Variants in CEP57L1 observed in about 807,000 individuals in gnomAD.
CEP57L1 encodes the protein centrosomal protein CEP57L1.
In CEP57L1, 37 loss-of-function variants were observed where a neutral mutation model predicts 61.0. The ratio of observed to expected loss-of-function variants is 0.61; its 90% confidence interval spans 0.47 to 0.80. The LOEUF (loss-of-function observed/expected upper bound fraction) is 0.80. Ranked by LOEUF, CEP57L1 falls within the 30% of genes least tolerant of loss-of-function variation. The pLI, the probability that CEP57L1 is intolerant of heterozygous loss-of-function variation, is 0.00. For synonymous variants in CEP57L1, 137 were observed against 162.3 expected (o/e 0.84, Z 1.19); for missense variants, 422 against 524.7 (o/e 0.80, Z 1.91).
intron 1 of CEP57L1, among the ~76,000 whole-genome samples, chr6:109,106,625 C>A (rs1455779591): frequency 6.6e-6 from 1 of 152,016 alleles, no homozygotes; most frequent in Non-Finnish European, 1.5e-5. Flanking sequence ...AGGACTTTGG[C>A]TTTTTTAAAA....
In CEP57L1 at chr6:109,172,411, T is replaced by TAGCTTAGA. The variant is rs2114997382; in HGVS notation, c.*9442_*9449dup. Among the ~76,000 whole-genome samples the TAGCTTAGA allele has an allele frequency of 6.6e-6, 1 of 152,310 alleles. No homozygotes were observed. Among genetic ancestry groups the TAGCTTAGA allele is most frequent in the South Asian group, 2.1e-4 (1 of 4,816 alleles). On this transcript the variant is annotated 3_prime_UTR_variant, in exon 11 of 11. Transcript: ENST00000517392. ...AGGACTTCACCATTAATCACATTGT[T>TAGCTTAGA]AGCTTAGACTACCTGGTATGGCCTA...
In CEP57L1 at chr6:109,168,575, C is replaced by T. The variant is rs902794251; in HGVS notation, c.*5605C>T. 4.8e-5 allele frequency among the ~76,000 whole-genome samples: 7 copies of T among 147,228 alleles called. No individual in the cohort carries two copies. Among genetic ancestry groups the T allele is most frequent in the African/African-American group, 2.5e-5 (1 of 40,110 alleles). ...CCGGTGGATTGTCAAATCAATTTAGCGGGTCACTACCAGCATTTTTTTTTT... is the reference window on the plus strand; with the variant it reads ...CCGGTGGATTGTCAAATCAATTTAGTGGGTCACTACCAGCATTTTTTTTTT... On this transcript the variant is annotated 3_prime_UTR_variant, in exon 11 of 11. Coordinates refer to ENST00000517392, the MANE Select transcript of CEP57L1 (RefSeq NM_001271852.3).
chr6:109,110,796 T>G (rs559077372), intron 1 of CEP57L1, among the ~76,000 whole-genome samples: 86 of 152,354 alleles, frequency 5.6e-4, no homozygotes, highest in African/African-American at 2.1e-3. Flanking sequence ...CTTTCCCCAT[T>G]GCTTGTTTTT....
chr6:109,096,278 G>T (rs74902977), intron 1 of CEP57L1, among the ~76,000 whole-genome samples: 2 of 152,064 alleles, frequency 1.3e-5, no homozygotes, highest in Non-Finnish European at 2.9e-5. Context: ...TAAAAATTTC[G>T]TCTTGCTAGG....
Position 109,153,895 on chromosome 6 carries a change from T to C in CEP57L1, c.525T>C (p.Leu175=). 6.2e-7 allele frequency: 1 copy of C among 1,612,410 alleles called. No individual in the cohort carries two copies. The highest frequency in any genetic ancestry group is 1.7e-4 in the Middle Eastern group (1 of 6,040). ...QMKLYAKLEK[L]DVLEKECFRL... ...AGCTGTATGCAAAACTTGAAAAGCT[T>C]GATGTCTTAGAAAAAGAGTGTTTCA... Residue 175 remains leucine, a synonymous_variant, in exon 5 of 11, where the codon CTT becomes CTC. Coordinates refer to ENST00000517392, the MANE Select transcript of CEP57L1 (RefSeq NM_001271852.3).
chr6:109,114,902 T>G (rs1022009230), intron 1 of CEP57L1, among the ~76,000 whole-genome samples: 1 of 152,186 alleles, frequency 6.6e-6, no homozygotes, highest in Non-Finnish European at 1.5e-5. Flanking sequence ...ATATGCTAAT[T>G]ACTCTGATAT....
At position 109,111,971 on chromosome 6, in the gene CEP57L1, T is replaced by G. The variant is rs143440221; in HGVS notation, c.-4+16396T>G. Among the ~76,000 whole-genome samples, 834 of 152,344 alleles carry G rather than the reference T, an allele frequency of 5.5e-3. 11 individuals are homozygous for G. The highest frequency in any genetic ancestry group is 0.019 in the African/African-American group (795 of 41,584). On this transcript the variant is annotated intron_variant, in intron 1 of 10. Transcript: ENST00000517392. Reference sequence around the variant, plus strand: ...TCGCATCAATGTTCATCAGGGATATTGGCCTGAAATTTTCTTTTTTTGTTG... The same window carrying G: ...TCGCATCAATGTTCATCAGGGATATGGGCCTGAAATTTTCTTTTTTTGTTG...
chr6:109,155,687 C>T, intron 6 of CEP57L1, 104 bp from the exon 7 acceptor site: 3 of 642,240 alleles, frequency 4.7e-6, no homozygotes, highest in Non-Finnish European at 2.7e-6. Flanking sequence ...TTCTTTTCTT[C>T]TCCAAAAAGC....
At chr6:109,137,592 T>C (rs1270230551) in intron 1 of CEP57L1, among the ~76,000 whole-genome samples, 2 of 152,194 alleles carry the variant, frequency 1.3e-5, no homozygotes, top group Non-Finnish European at 2.9e-5. Flanking sequence ...GAGCCACCGC[T>C]CCCAGCCTCA....
At chr6:109,118,070 C>T (rs553976064) in intron 1 of CEP57L1, among the ~76,000 whole-genome samples, 1 of 152,358 alleles carries the variant, frequency 6.6e-6, no homozygotes, top group South Asian at 2.1e-4. Flanking sequence ...GAGTCTCACT[C>T]TGTCGCCCAG....
At chr6:109,158,065 G>GTT (rs1174105039) in intron 7 of CEP57L1, 2 of 152,488 alleles carry the variant, frequency 1.3e-5, no homozygotes, top group African/African-American at 4.8e-5. Flanking sequence ...TATGCAGTAT[G>GTT]TAACTTTTTG....
intron 3 of CEP57L1, among the ~76,000 whole-genome samples, chr6:109,148,436 A>G (rs1364858549): frequency 3.3e-5 from 5 of 152,306 alleles, no homozygotes; most frequent in East Asian, 3.9e-4. Context: ...TGTCCCTACA[A>G]AGGACATGAA....
intron 1 of CEP57L1, among the ~76,000 whole-genome samples, chr6:109,117,876 T>A: frequency 6.6e-6 from 1 of 152,186 alleles, no homozygotes; most frequent in East Asian, 1.9e-4. Flanking sequence ...TGCTCCTCTA[T>A]TTTGGCTGCT....
chr6:109,125,284 G>A (rs988044265), intron 1 of CEP57L1, among the ~76,000 whole-genome samples: 5 of 151,974 alleles, frequency 3.3e-5, no homozygotes, highest in Admixed American at 2.0e-4. Flanking sequence ...TTTAAAACTA[G>A]TCGAAATAAA....
At chr6:109,095,826 G>A (rs1034344686) in intron 1 of CEP57L1, among the ~76,000 whole-genome samples, 6 of 152,188 alleles carry the variant, frequency 3.9e-5, no homozygotes, top group African/African-American at 1.4e-4. Flanking sequence ...GAAGGATGCT[G>A]TGGAAACTGG....
chr6:109,124,877 T>C (rs1773366662), intron 1 of CEP57L1: 1 of 152,122 alleles, frequency 6.6e-6, no homozygotes, highest in Non-Finnish European at 1.5e-5. Flanking sequence ...CATAGCATCC[T>C]ATGTAGCATA....
chr6:109,159,994 T>A (rs1474036729), intron 9 of CEP57L1, among the ~76,000 whole-genome samples: 3 of 152,200 alleles, frequency 2.0e-5, no homozygotes, highest in African/African-American at 2.4e-5. Context: ...CTGGCTGGTC[T>A]GCATTACAAA....
intron 1 of CEP57L1, among the ~76,000 whole-genome samples, chr6:109,126,010 C>T (rs1290288845): frequency 6.6e-6 from 1 of 151,982 alleles, no homozygotes; most frequent in Non-Finnish European, 1.5e-5. Flanking sequence ...ACAGTATTTA[C>T]TGATTTGCTG....
intron 1 of CEP57L1, among the ~76,000 whole-genome samples, chr6:109,141,909 G>C (rs1028688169): frequency 4.6e-5 from 7 of 152,168 alleles, no homozygotes; most frequent in Non-Finnish European, 7.3e-5. Context: ...CTTGGAAGAA[G>C]TAGCAGTTAC....
Sources: gnomAD v4.1 joint callset for allele counts (sites outside exome capture counted in the v4.1 genomes callset) on GRCh38, gnomAD v4.1.1 for gene constraint, MANE v1.5 for transcripts, NCBI Gene and HGNC (gene_info 2026-07-23, HGNC 2026-07-21) for gene names.